TNNT2: variants seen among roughly 807,000 people sequenced by gnomAD.
The protein encoded by TNNT2 is troponin T2, cardiac type.
Under a neutral mutation model 62.4 loss-of-function variants are expected in TNNT2, and 34 were observed. That is an observed-to-expected ratio of 0.54 (90% CI 0.41 to 0.72). The LOEUF (loss-of-function observed/expected upper bound fraction) is 0.72, where lower values mean the gene tolerates loss of function less well. Among genes scored for constraint, TNNT2 ranks in the 30% least tolerant of loss-of-function variants. The pLI is 0.00. For synonymous variants in TNNT2, 123 were observed against 127.2 expected (o/e 0.97, Z 0.22); for missense variants, 275 against 381.9 (o/e 0.72, Z 2.33).
chr1:201,366,427 T>G, intron 8 of TNNT2: 1 of 1,110,288 alleles, frequency 9.0e-7, no homozygotes, highest in Non-Finnish European at 1.1e-6. Flanking sequence ...CGTCCTGCCC[T>G]CTCTCAGCTC....
intron 8 of TNNT2, chr1:201,366,596 C>T: frequency 7.1e-7 from 1 of 1,414,352 alleles, no homozygotes; most frequent in East Asian, 2.7e-5. Flanking sequence ...TCTAGAAGAA[C>T]ATAGCCCCAT....
chr1:201,367,660 C>A (rs1402685869), intron 7 of TNNT2, 111 bp downstream of exon 7: 15 of 1,239,994 alleles, frequency 1.2e-5, no homozygotes, highest in Non-Finnish European at 1.8e-5. Context: ...CTCTCCCAAA[C>A]CCTCTCAGTG....
chr1:201,375,751 TCA>T (rs1229509709), intron 1 of TNNT2, among the ~76,000 whole-genome samples: 2 of 152,148 alleles, frequency 1.3e-5, no homozygotes, highest in African/African-American at 2.4e-5. Flanking sequence ...GAGAAAATTC[TCA>T]GAGGAACCGT....
chr1:201,359,077 C>T lies in TNNT2; in HGVS notation c.*133G>A, dbSNP rs945520617. On this transcript the variant is annotated 3_prime_UTR_variant, in exon 17 of 17. Transcript: ENST00000656932. ...GTGTGGGGGCAGGCAGGAGTGGTGGCTCCCACCTAGGCCAGCTCCCCATTT... is the reference window on the plus strand; with the variant it reads ...GTGTGGGGGCAGGCAGGAGTGGTGGTTCCCACCTAGGCCAGCTCCCCATTT... The T allele has an allele frequency of 8.5e-7, 1 of 1,176,462 alleles. No individual in the cohort carries two copies. Among genetic ancestry groups the T allele is most frequent in the African/African-American group, 1.5e-5 (1 of 65,834 alleles). 72.9% of individuals were successfully genotyped at this position (1,176,462 alleles called of 1,614,324 possible).
At chr1:201,367,869 A>C in intron 6 of TNNT2, 63 bp from the exon 7 acceptor site, 1 of 1,590,082 alleles carries the variant, frequency 6.3e-7, no homozygotes, top group Non-Finnish European at 8.6e-7. Flanking sequence ...CCCCTCCGCC[A>C]CCAGCAAGAG....
At chr1:201,359,592 G>C (rs755148270) in intron 16 of TNNT2, 31 bp downstream of exon 16, 2 of 1,591,558 alleles carry the variant, frequency 1.3e-6, no homozygotes, top group South Asian at 2.3e-5. Flanking sequence ...GGCAGGGGGA[G>C]GGCTAGGCGA....
At chr1:201,373,735 G>A (rs754650999) in intron 1 of TNNT2, 23 of 196,100 alleles carry the variant, frequency 1.2e-4, no homozygotes, top group Non-Finnish European at 1.7e-4. Context: ...CACCATGCCC[G>A]ACTAATTTTT....
chr1:201,364,693 T>C (rs925414522), intron 10 of TNNT2, among the ~76,000 whole-genome samples: 6 of 152,226 alleles, frequency 3.9e-5, no homozygotes, highest in African/African-American at 1.4e-4. Flanking sequence ...CTCTGTGCCA[T>C]ATGCTTGGAT....
Position 201,368,065 on chromosome 1 carries a change from G to A in TNNT2, c.163+97C>T, listed in dbSNP as rs1659988261. On this transcript the variant is annotated intron_variant, in intron 6 of 16. Transcript: ENST00000656932. ...TCAATAGGAGAGTCAGGTGCACATGGGAAAGCCTGTTCTGGGGGGTTTCTT... is the reference window on the plus strand; with the variant it reads ...TCAATAGGAGAGTCAGGTGCACATGAGAAAGCCTGTTCTGGGGGGTTTCTT... 7.8e-6 allele frequency: 10 copies of A among 1,288,644 alleles called. No homozygotes were observed. In the South Asian group the frequency reaches 8.3e-5, roughly 11 times the overall value. 79.8% of individuals were successfully genotyped at this position (1,288,644 alleles called of 1,614,324 possible). A position where few individuals can be genotyped will look rare whatever the true frequency, so the allele number is the denominator to read the frequency against.
At position 201,365,308 on chromosome 1, in the gene TNNT2, C is replaced by T. The variant is rs113876817; in HGVS notation, c.295-1G>A. The stretch of plus-strand genomic sequence containing the variant: ...TCTCCATGCGCTTCCGGTGGATGTC[C>T]TGTGGGTGGACCGCTGCGGCTCAGA... On this transcript the variant is annotated splice_acceptor_variant, in intron 9 of 16. Transcript: ENST00000656932. LOFTEE classifies it high-confidence loss of function. 4.3e-6 allele frequency: 7 copies of T among 1,613,446 alleles called. No individual in the cohort carries two copies. Among genetic ancestry groups the T allele is most frequent in the Non-Finnish European group, 5.9e-6 (7 of 1,179,396 alleles).
At chr1:201,368,116 C>T (rs745928510) in intron 6 of TNNT2, 46 bp downstream of exon 6, 24 of 1,596,028 alleles carry the variant, frequency 1.5e-5, no homozygotes, top group Non-Finnish European at 2.1e-5. Flanking sequence ...GCTCCAGGGG[C>T]TCTCGCCACC....
In TNNT2 at chr1:201,359,515, G is replaced by A. The variant is rs1304922665; in HGVS notation, c.851+108C>T. On this transcript the variant is annotated intron_variant, in intron 16 of 16. Transcript: ENST00000656932. ...AGGAAACCTGTGGGCTGAAGCAGAG[G>A]AGGAAGGGCTGGGAGCCTGGGGCCC... 7 of 1,192,642 alleles carry A rather than the reference G, an allele frequency of 5.9e-6. No individual in the cohort carries two copies. In the African/African-American group the frequency reaches 7.6e-5, roughly 13 times the overall value. 73.9% of individuals were successfully genotyped at this position (1,192,642 alleles called of 1,614,324 possible). A position where few individuals can be genotyped will look rare whatever the true frequency, so the allele number is the denominator to read the frequency against.
At chr1:201,363,866 A>G in intron 11 of TNNT2, 1 of 279,912 alleles carries the variant, frequency 3.6e-6, no homozygotes, top group South Asian at 4.4e-5. Flanking sequence ...CTAGGTTGAT[A>G]TTGATATTGT....
At chr1:201,373,548 A>G (rs1660968288) in intron 1 of TNNT2, 3 of 495,750 alleles carry the variant, frequency 6.1e-6, no homozygotes, top group Non-Finnish European at 7.4e-6. Context: ...GTGACACTCA[A>G]GACAATGTCT....
intron 6 of TNNT2, among the ~76,000 whole-genome samples, 168 bp downstream of exon 6, chr1:201,367,994 G>A (rs572608903): frequency 1.3e-5 from 2 of 152,268 alleles, no homozygotes; most frequent in East Asian, 1.9e-4. Flanking sequence ...CAAGAGAAGC[G>A]CTGGGTCAAC....
At chr1:201,375,934 C>T (rs1477195028) in intron 1 of TNNT2, among the ~76,000 whole-genome samples, 2 of 152,244 alleles carry the variant, frequency 1.3e-5, no homozygotes, top group African/African-American at 4.8e-5. Context: ...AAATAGCATG[C>T]AGACATGCAG....
Position 201,359,780 on chromosome 1 carries a change from A to T in TNNT2, c.811-117T>A. On this transcript the variant is annotated intron_variant, in intron 15 of 16. Transcript: ENST00000656932. ...GCAGCAGTGCAGGAGGAGAAGGAGG[A>T]GCATGGAAGAGTAGGAGGGGTTAGG... 2 of 880,682 alleles carry T rather than the reference A, an allele frequency of 2.3e-6. 1 individual carries two copies. The highest frequency in any genetic ancestry group is 3.7e-6 in the Non-Finnish European group (2 of 534,982). The allele number at this position is 880,682 out of a possible 1,614,324, so 54.6% of individuals were successfully genotyped here.
chr1:201,362,390 G>T lies in TNNT2; in HGVS notation c.605C>A (p.Ala202Asp), dbSNP rs1180619486. The change falls in exon 13 of 17, where the codon GCC (alanine) becomes GAC (aspartate). Residue 202 changes from alanine to aspartate, a missense_variant. Transcript: ENST00000656932. ...MHFGGYIQKQ[A>D]QTERKSGKRQ... ...CTTGAGGTTTTTGGTACCCACCTGG[G>T]CCTGCTAAACCGGGAAACCATGAGA... 3 of 1,613,886 alleles carry T rather than the reference G, an allele frequency of 1.9e-6. No homozygotes were observed.
Position 201,361,497 on chromosome 1 carries a change from C to T in TNNT2, c.720-128G>A, listed in dbSNP as rs1571602184. The T allele has an allele frequency of 9.9e-6, 9 of 905,154 alleles. No individual in the cohort carries two copies. The South Asian group carries it at 1.2e-4, about 12-fold the overall frequency. 56.1% of individuals were successfully genotyped at this position (905,154 alleles called of 1,614,324 possible). On this transcript the variant is annotated intron_variant, in intron 14 of 16. Transcript: ENST00000656932. ...CACCTCCAGGCCTGCCAAGGGTACC[C>T]CAGCCCACCCCCTGGGCCTGACCCA...
Sources: allele counts gnomAD v4.1 joint callset (sites outside exome capture counted in the v4.1 genomes callset), GRCh38; gene constraint gnomAD v4.1.1; transcripts MANE v1.5; gene names NCBI Gene and HGNC (gene_info 2026-07-23, HGNC 2026-07-21).